Variants in NCAM2 observed in about 807,000 individuals in gnomAD.
NCAM2 encodes N-CAM-2.
In NCAM2, 30 loss-of-function variants were observed where a neutral mutation model predicts 98.1. The ratio of observed to expected loss-of-function variants is 0.31; its 90% CI spans 0.23 to 0.41. NCAM2 has a LOEUF of 0.41. Ranked by LOEUF, NCAM2 falls within the 10% of genes least tolerant of loss-of-function variation. The pLI is 1.00. For synonymous variants in NCAM2, 368 were observed against 342.4 expected, an observed-to-expected ratio of 1.07 and a Z score of -0.83; for missense variants, 867 against 1,005.8, an observed-to-expected ratio of 0.86 and a Z score of 1.87.
chr21:21,137,013 T>C (rs912000964), intron 1 of NCAM2, among the ~76,000 whole-genome samples: 2 of 152,098 alleles, frequency 1.3e-5, no homozygotes, highest in African/African-American at 4.8e-5. Context: ...GCTTGGTTTC[T>C]GGTTACAATT....
chr21:21,360,184 T>C (rs1047887883), intron 8 of NCAM2, among the ~76,000 whole-genome samples: 2 of 151,958 alleles, frequency 1.3e-5, no homozygotes, highest in Admixed American at 6.6e-5. Flanking sequence ...GAATCCATTA[T>C]AACAAAAATT....
intron 1 of NCAM2, among the ~76,000 whole-genome samples, chr21:21,252,305 C>T (rs1181047393): frequency 6.6e-6 from 1 of 150,998 alleles, no homozygotes; most frequent in Non-Finnish European, 1.5e-5. Flanking sequence ...ATCCCTGAAT[C>T]AAACTTTATT....
chr21:21,159,668 C>G (rs1429066574), intron 1 of NCAM2, among the ~76,000 whole-genome samples: 1 of 151,986 alleles, frequency 6.6e-6, no homozygotes, highest in Non-Finnish European at 1.5e-5. Context: ...TTGTGTAAGT[C>G]CACTCTGACG....
rs139073200 is a variant in NCAM2 at position 21,039,215 on chromosome 21, C to G, written c.55+40597C>G. ...CACTACCCATACACCCTCCCAGCGT[C>G]TAGTACCTATCATTCTATGGTCTAC... On this transcript the variant is annotated intron_variant, in intron 1 of 17. Transcript: ENST00000400546. 7.7e-3 allele frequency among the ~76,000 whole-genome samples: 1,180 copies of G among 152,262 alleles called. 7 individuals are homozygous for G. The highest frequency in any genetic ancestry group is 0.027 in the African/African-American group (1,135 of 41,552).
At chr21:21,497,803 A>G (rs1319185018) in intron 15 of NCAM2, among the ~76,000 whole-genome samples, 2 of 152,176 alleles carry the variant, frequency 1.3e-5, no homozygotes, top group African/African-American at 2.4e-5. Flanking sequence ...TACACATAAA[A>G]TGGTACATTA....
At chr21:21,402,827 G>T (rs1334802904) in intron 9 of NCAM2, among the ~76,000 whole-genome samples, 1 of 152,102 alleles carries the variant, frequency 6.6e-6, no homozygotes, top group East Asian at 1.9e-4. Flanking sequence ...AATATTGGGG[G>T]TGGGTTCCCC....
chr21:21,251,977 G>T (rs1037022220), intron 1 of NCAM2, among the ~76,000 whole-genome samples: 1 of 152,004 alleles, frequency 6.6e-6, no homozygotes, highest in African/African-American at 2.4e-5. Flanking sequence ...CATTGCCTAT[G>T]CCTATGTCCT....
chr21:21,115,445 C>T (rs1056614371), intron 1 of NCAM2, among the ~76,000 whole-genome samples: 1 of 152,108 alleles, frequency 6.6e-6, no homozygotes, highest in Admixed American at 6.6e-5. Context: ...CTCAGTTTCT[C>T]TCCCCACTTA....
chr21:21,466,432 A>C (rs1983686649), intron 12 of NCAM2, among the ~76,000 whole-genome samples, 174 bp from the exon 13 acceptor site: 1 of 151,968 alleles, frequency 6.6e-6, no homozygotes, highest in African/African-American at 2.4e-5. Flanking sequence ...CTATTCACAA[A>C]TCAGTTTCTT....
intron 1 of NCAM2, among the ~76,000 whole-genome samples, chr21:21,115,131 C>T (rs551223695): frequency 3.3e-5 from 5 of 152,160 alleles, no homozygotes; most frequent in African/African-American, 4.8e-5. Flanking sequence ...ATATTAATTT[C>T]ATTTAAAGAT....
intron 1 of NCAM2, among the ~76,000 whole-genome samples, chr21:21,167,486 A>G (rs1385952292): frequency 6.6e-6 from 1 of 152,154 alleles, no homozygotes; most frequent in African/African-American, 2.4e-5. Context: ...AAACAAATAC[A>G]TCAATGAAAT....
At chr21:21,444,358 AG>A (rs1979765469) in intron 12 of NCAM2, among the ~76,000 whole-genome samples, 1 of 152,150 alleles carries the variant, frequency 6.6e-6, no homozygotes, top group South Asian at 2.1e-4. Context: ...AAAGTGAGTT[AG>A]GGGGAGTCCC....
intron 16 of NCAM2, among the ~76,000 whole-genome samples, chr21:21,532,576 C>T (rs2146423030): frequency 6.6e-6 from 1 of 152,196 alleles, no homozygotes; most frequent in Middle Eastern, 3.4e-3. Flanking sequence ...TCAGAATTCA[C>T]TAGTTCTGTC....
At chr21:21,451,710 C>T (rs972297033) in intron 12 of NCAM2, among the ~76,000 whole-genome samples, 2 of 151,996 alleles carry the variant, frequency 1.3e-5, no homozygotes, top group East Asian at 1.9e-4. Flanking sequence ...AAGCCTGTGC[C>T]GTTCTGGTAA....
At chr21:21,389,565 C>T (rs1434129754) in intron 9 of NCAM2, among the ~76,000 whole-genome samples, 6 of 152,100 alleles carry the variant, frequency 3.9e-5, no homozygotes, top group Non-Finnish European at 8.8e-5. Context: ...ACCCATTAAC[C>T]AATCTCTCTT....
chr21:21,207,830 A>G (rs2069502260), intron 1 of NCAM2, among the ~76,000 whole-genome samples: 1 of 152,176 alleles, frequency 6.6e-6, no homozygotes, highest in Non-Finnish European at 1.5e-5. Flanking sequence ...TTGGCTGACC[A>G]CTAAATATTA....
intron 1 of NCAM2, among the ~76,000 whole-genome samples, chr21:21,122,684 C>G (rs2066700359): frequency 6.6e-6 from 1 of 152,146 alleles, no homozygotes; most frequent in African/African-American, 2.4e-5. Context: ...TGGCTTACGT[C>G]TTTCACCAAG....
intron 1 of NCAM2, among the ~76,000 whole-genome samples, chr21:21,192,532 A>G (rs1437798700): frequency 6.6e-6 from 1 of 152,210 alleles, no homozygotes; most frequent in Non-Finnish European, 1.5e-5. Context: ...GAAGTGAATC[A>G]GAGAATTAGA....
intron 1 of NCAM2, among the ~76,000 whole-genome samples, chr21:21,269,098 A>G (rs963055470): frequency 6.6e-6 from 1 of 152,126 alleles, no homozygotes; most frequent in Non-Finnish European, 1.5e-5. Flanking sequence ...AGCCACTCCA[A>G]TTTATTTGCC....
Sources: allele counts gnomAD v4.1 joint callset (sites outside exome capture counted in the v4.1 genomes callset), GRCh38; gene constraint gnomAD v4.1.1; transcripts MANE v1.5; gene names NCBI Gene and HGNC (gene_info 2026-07-23, HGNC 2026-07-21).